The following MAP3K20 variants were observed in gnomAD, a reference collection of about 807,000 sequenced individuals.
The protein encoded by MAP3K20 is mitogen-activated protein kinase kinase kinase 20, also known as HCCS-4.
Under a neutral mutation model 85.7 loss-of-function variants are expected in MAP3K20, and 40 were observed. The observed-to-expected ratio is 0.47, with a 90% CI of 0.36 to 0.61. The LOEUF (loss-of-function observed/expected upper bound fraction) is 0.61. Ranked by LOEUF, MAP3K20 falls within the 20% of genes least tolerant of loss-of-function variation. The pLI, the probability that MAP3K20 is intolerant of heterozygous loss-of-function variation, is 0.00. For synonymous variants in MAP3K20, 325 were observed against 327.7 expected, an observed-to-expected ratio of 0.99 and a Z score of 0.09; for missense variants, 817 against 961.7, an observed-to-expected ratio of 0.85 and a Z score of 1.99.
chr2:173,209,655 T>C (rs1234840902), intron 9 of MAP3K20, 74 bp from the exon 10 acceptor site: 3 of 1,223,932 alleles, frequency 2.5e-6, no homozygotes, highest in African/African-American at 1.5e-5. Context: ...ACTATGCTTG[T>C]AGTATCTACG....
At chr2:173,226,783 A>G (rs1419777333) in intron 11 of MAP3K20, 21 of 984,756 alleles carry the variant, frequency 2.1e-5, no homozygotes, top group Non-Finnish European at 2.5e-5. Flanking sequence ...GCACTCTTAA[A>G]ATTTTTGTAC....
chr2:173,194,678 A>T (rs1243290743), intron 7 of MAP3K20, among the ~76,000 whole-genome samples: 1 of 151,890 alleles, frequency 6.6e-6, no homozygotes, highest in African/African-American at 2.4e-5. Context: ...TAAATATCCC[A>T]TTGTTCATTG....
intron 2 of MAP3K20, among the ~76,000 whole-genome samples, chr2:173,100,521 T>G (rs1460339636): frequency 6.6e-6 from 1 of 152,218 alleles, no homozygotes; most frequent in Non-Finnish European, 1.5e-5. Context: ...ATCTAGGAAA[T>G]GTATCTTGTA....
intron 12 of MAP3K20, among the ~76,000 whole-genome samples, chr2:173,231,592 A>C (rs1321305845): frequency 1.3e-5 from 2 of 152,226 alleles, no homozygotes; most frequent in African/African-American, 4.8e-5. Context: ...AGGGCTCCCC[A>C]GAGAATCACA....
chr2:173,225,622 C>G, intron 11 of MAP3K20: 2 of 975,768 alleles, frequency 2.0e-6, no homozygotes, highest in Non-Finnish European at 2.4e-6. Flanking sequence ...AAAAAAACAA[C>G]CCGGTAGCAT....
chr2:173,236,747 G>T (rs1684661349), intron 14 of MAP3K20, among the ~76,000 whole-genome samples: 1 of 152,174 alleles, frequency 6.6e-6, no homozygotes, highest in South Asian at 2.1e-4. Context: ...AGGGTCATGT[G>T]CACTTACTCT....
At chr2:173,096,554 G>A (rs1687467546) in intron 2 of MAP3K20, among the ~76,000 whole-genome samples, 1 of 152,044 alleles carries the variant, frequency 6.6e-6, no homozygotes, top group African/African-American at 2.4e-5. Context: ...TAGCCAGGAT[G>A]GTCTCGATCT....
At chr2:173,199,433 C>G (rs1281338481) in intron 8 of MAP3K20, among the ~76,000 whole-genome samples, 1 of 152,232 alleles carries the variant, frequency 6.6e-6, no homozygotes, top group Non-Finnish European at 1.5e-5. Flanking sequence ...AGTAATTCCT[C>G]ATGTGCTATT....
At position 173,175,955 on chromosome 2, in the gene MAP3K20, T is replaced by C. The variant is rs886740845; in HGVS notation, c.247+6063T>C. 6.6e-5 allele frequency among the ~76,000 whole-genome samples: 10 copies of C among 152,302 alleles called. No individual in the cohort carries two copies. In the East Asian group the frequency reaches 1.7e-3, roughly 26 times the overall value. ...TGTTTCCCAAATCAGAAATCTATTT[T>C]AGTTAATATTTTAAAGAAATATGAA... On this transcript the variant is annotated intron_variant, in intron 3 of 19. Transcript: ENST00000375213.
intron 2 of MAP3K20, among the ~76,000 whole-genome samples, chr2:173,094,114 A>G (rs1246549392): frequency 6.6e-6 from 1 of 152,158 alleles, no homozygotes; most frequent in Non-Finnish European, 1.5e-5. Flanking sequence ...CAATGTGCAC[A>G]TGTACCCTAA....
intron 11 of MAP3K20, chr2:173,223,749 T>C (rs2106323717): frequency 8.1e-6 from 8 of 985,462 alleles, no homozygotes; most frequent in Non-Finnish European, 9.6e-6. Context: ...CTAGTTTCTC[T>C]GTCTATTCAC....
chr2:173,105,528 T>C (rs1417547868), intron 2 of MAP3K20, among the ~76,000 whole-genome samples: 1 of 152,212 alleles, frequency 6.6e-6, no homozygotes, highest in Non-Finnish European at 1.5e-5. Context: ...GGAAGCAACC[T>C]AAATGTCCAT....
intron 1 of MAP3K20, among the ~76,000 whole-genome samples, chr2:173,087,556 C>G (rs1230482843): frequency 6.6e-6 from 1 of 152,174 alleles, no homozygotes; most frequent in Non-Finnish European, 1.5e-5. Context: ...GAAAAAGACT[C>G]ATTCCTAAAC....
chr2:173,227,663 G>A (rs759726381), intron 11 of MAP3K20, among the ~76,000 whole-genome samples: 10 of 152,136 alleles, frequency 6.6e-5, no homozygotes, highest in African/African-American at 9.7e-5. Flanking sequence ...TTCTGGTTGT[G>A]ATTAGTTATT....
intron 5 of MAP3K20, among the ~76,000 whole-genome samples, chr2:173,187,926 A>G (rs1440465386): frequency 6.6e-6 from 1 of 152,196 alleles, no homozygotes; most frequent in African/African-American, 2.4e-5. Flanking sequence ...ATCCCTAATT[A>G]TTTCCCTAGA....
In MAP3K20 at chr2:173,267,061, G is replaced by A. The variant is rs540276928; in HGVS notation, c.*311G>A. The A allele has an allele frequency of 9.8e-6, 2 of 203,152 alleles. No homozygotes were observed. Among genetic ancestry groups the A allele is most frequent in the Admixed American group, 5.9e-5 (1 of 17,010 alleles). The allele number at this position is 203,152 out of a possible 1,614,324, so 12.6% of individuals were successfully genotyped here. A position where few individuals can be genotyped will look rare whatever the true frequency, so the allele number is the denominator to read the frequency against. The stretch of plus-strand genomic sequence containing the variant: ...ACTGATATTCTGGTTAGCAGGGCCA[G>A]GACAAGGGGAAGGAAAATGAGGTCA... On this transcript the variant is annotated 3_prime_UTR_variant, in exon 20 of 20. Transcript: ENST00000375213.
intron 7 of MAP3K20, among the ~76,000 whole-genome samples, chr2:173,195,883 CT>C (rs1406955595): frequency 6.6e-6 from 1 of 152,120 alleles, no homozygotes; most frequent in African/African-American, 2.4e-5. Flanking sequence ...ATGGAATTGG[CT>C]TATTTTTTTC....
chr2:173,224,086 GATAA>G (rs1265464996), intron 11 of MAP3K20: 2 of 897,156 alleles, frequency 2.2e-6, no homozygotes, highest in Non-Finnish European at 2.7e-6. Context: ...GAAGATCGAT[GATAA>G]ATAAAGCAAA....
intron 10 of MAP3K20, chr2:173,210,056 GA>G: frequency 1.9e-6 from 1 of 537,496 alleles, no homozygotes; most frequent in East Asian, 3.3e-5. Flanking sequence ...GTAAGTATTT[GA>G]AAAGAATATT....
Sources: allele counts gnomAD v4.1 joint callset (sites outside exome capture counted in the v4.1 genomes callset), GRCh38; gene constraint gnomAD v4.1.1; transcripts MANE v1.5; gene names NCBI Gene and HGNC (gene_info 2026-07-23, HGNC 2026-07-21).